Variants in AKAP19 observed in about 807,000 individuals in gnomAD.
AKAP19 encodes A-kinase anchoring protein 19.
At chr2:190,136,256 G>T in the AKAP19 span, among the ~76,000 whole-genome samples, 6 of 152,126 alleles carry the variant, frequency 3.9e-5, no homozygotes, top group African/African-American at 1.4e-4. Context: ...AGCTTTAACT[G>T]CCAGGTCTGT....
At chr2:189,983,973 G>A in the AKAP19 span, among the ~76,000 whole-genome samples, 6 of 152,282 alleles carry the variant, frequency 3.9e-5, no homozygotes, top group African/African-American at 9.6e-5. Context: ...TTCAAAAGGG[G>A]AGGGAGTGTG....
At chr2:190,073,161 AAG>A in the AKAP19 span, among the ~76,000 whole-genome samples, 1 of 152,174 alleles carries the variant, frequency 6.6e-6, no homozygotes, top group Non-Finnish European at 1.5e-5. Context: ...AGAGAATTAA[AAG>A]AGTATACTGC....
At chr2:190,028,308 A>G in the AKAP19 span, among the ~76,000 whole-genome samples, 4 of 152,294 alleles carry the variant, frequency 2.6e-5, no homozygotes, top group South Asian at 8.3e-4. Flanking sequence ...TTGAATCACA[A>G]AGAAAACTAG....
the AKAP19 span, among the ~76,000 whole-genome samples, chr2:190,100,260 C>G: frequency 1.3e-5 from 2 of 151,918 alleles, no homozygotes; most frequent in African/African-American, 2.4e-5. Flanking sequence ...TAAAAAAAAA[C>G]CAGTATGTGC....
the AKAP19 span, among the ~76,000 whole-genome samples, chr2:189,996,076 G>A: frequency 2.0e-5 from 3 of 152,150 alleles, no homozygotes; most frequent in Admixed American, 6.5e-5. Flanking sequence ...ATGTGCCTAT[G>A]TAATGATCTT....
chr2:189,988,845 GA>G, the AKAP19 span, among the ~76,000 whole-genome samples: 8 of 152,182 alleles, frequency 5.3e-5, no homozygotes, highest in African/African-American at 1.9e-4. Context: ...CTATTGGACA[GA>G]AGTTCTTTGT....
At chr2:190,081,048 A>G in the AKAP19 span, among the ~76,000 whole-genome samples, 1 of 152,192 alleles carries the variant, frequency 6.6e-6, no homozygotes, top group African/African-American at 2.4e-5. Flanking sequence ...TCCAAAATAT[A>G]CTTAAAAAAC....
the AKAP19 span, among the ~76,000 whole-genome samples, chr2:190,048,217 T>C: frequency 6.6e-6 from 1 of 152,210 alleles, no homozygotes; most frequent in African/African-American, 2.4e-5. Flanking sequence ...AAAGAAAAAC[T>C]TTTTATCTGA....
chr2:189,973,272 A>G, the AKAP19 span, among the ~76,000 whole-genome samples: 6 of 152,072 alleles, frequency 3.9e-5, no homozygotes, highest in African/African-American at 1.4e-4. Context: ...TTCTGTTTAT[A>G]TGCTGGATTA....
the AKAP19 span, among the ~76,000 whole-genome samples, chr2:190,148,953 C>T: frequency 3.0e-5 from 4 of 134,132 alleles, no homozygotes; most frequent in African/African-American, 1.1e-4. Flanking sequence ...TCTTTTCTTT[C>T]TTTTTTTTTT....
the AKAP19 span, among the ~76,000 whole-genome samples, chr2:189,942,663 C>T: frequency 6.6e-6 from 1 of 152,186 alleles, no homozygotes; most frequent in Non-Finnish European, 1.5e-5. Context: ...CACCAAAATT[C>T]TGAAAGTGAT....
chr2:190,088,103 C>G, the AKAP19 span, among the ~76,000 whole-genome samples: 1 of 152,078 alleles, frequency 6.6e-6, no homozygotes, highest in Non-Finnish European at 1.5e-5. Context: ...TTAAAGATGG[C>G]AGAAAGGAAA....
the AKAP19 span, chr2:190,200,077 G>C: frequency 1.2e-6 from 2 of 1,614,052 alleles, no homozygotes; most frequent in African/African-American, 2.7e-5. Flanking sequence ...CTTGTGTGAT[G>C]CCTTGCAGCA....
the AKAP19 span, among the ~76,000 whole-genome samples, chr2:189,979,696 A>G: frequency 6.6e-6 from 1 of 152,170 alleles, no homozygotes; most frequent in South Asian, 2.1e-4. Context: ...TAATACTTAG[A>G]ATCTATAAGA....
the AKAP19 span, among the ~76,000 whole-genome samples, chr2:189,921,539 A>AT: frequency 2.0e-5 from 3 of 152,172 alleles, no homozygotes; most frequent in Admixed American, 6.5e-5. Context: ...CCCTTAGAAG[A>AT]TTTTTTTAAA....
the AKAP19 span, among the ~76,000 whole-genome samples, chr2:189,971,484 T>C: frequency 1.3e-5 from 2 of 152,218 alleles, no homozygotes; most frequent in South Asian, 4.1e-4. Context: ...TTTATAATCC[T>C]TTGGGTATAT....
chr2:190,082,581 T>C, the AKAP19 span, among the ~76,000 whole-genome samples: 1 of 152,256 alleles, frequency 6.6e-6, no homozygotes, highest in Non-Finnish European at 1.5e-5. Context: ...GAATATTCTA[T>C]GACTGTTTTC....
At chr2:190,150,061 C>G in the AKAP19 span, among the ~76,000 whole-genome samples, 3 of 152,142 alleles carry the variant, frequency 2.0e-5, no homozygotes, top group South Asian at 6.2e-4. Context: ...GTTTCACTCC[C>G]ACTGTGCCCC....
chr2:190,062,824 C>T, the AKAP19 span: 13 of 494,738 alleles, frequency 2.6e-5, no homozygotes, highest in Admixed American at 1.8e-4. Flanking sequence ...CAATGAATCT[C>T]GCTGTCAGAG....
Sources: gnomAD v4.1 joint callset for allele counts (sites outside exome capture counted in the v4.1 genomes callset) on GRCh38, gnomAD v4.1.1 for gene constraint, MANE v1.5 for transcripts, NCBI Gene and HGNC (gene_info 2026-07-23, HGNC 2026-07-21) for gene names.